The following CDH12 variants were observed in gnomAD, a reference collection of about 807,000 sequenced individuals.
CDH12 encodes cadherin 12.
A neutral mutation model predicts 74.1 loss-of-function variants in CDH12; 41 were observed. The ratio of observed to expected loss-of-function variants is 0.55; its 90% CI spans 0.43 to 0.72. CDH12 has a LOEUF of 0.72. Ranked by LOEUF, CDH12 falls within the 30% of genes least tolerant of loss-of-function variation. The pLI is 0.00. For missense variants in CDH12, 945 were observed against 977.2 expected (o/e 0.97, Z 0.44); for synonymous variants, 399 against 355.0 (o/e 1.12, Z -1.39).
rs186950302 is a variant in CDH12, at chr5:22,204,068, C to A, written c.-187+8430G>T. On this transcript the variant is annotated intron_variant, in intron 4 of 14. Transcript: ENST00000382254. ...GAGAACATATCTATAAACTATGCAT[C>A]TGACAAGGGGTTAATATCCAGAATC... 7.2e-5 allele frequency among the ~76,000 whole-genome samples: 11 copies of A among 152,092 alleles called. No homozygotes were observed. In the East Asian group the frequency reaches 1.5e-3, roughly 21 times the overall value.
chr5:22,769,691 G>T (rs1246460907), intron 1 of CDH12, among the ~76,000 whole-genome samples: 1 of 152,038 alleles, frequency 6.6e-6, no homozygotes, highest in Non-Finnish European at 1.5e-5. Flanking sequence ...TATATTATCA[G>T]CAAACTTCTT....
chr5:22,188,491 T>C (rs544996785), intron 4 of CDH12, among the ~76,000 whole-genome samples: 1 of 152,308 alleles, frequency 6.6e-6, no homozygotes, highest in East Asian at 1.9e-4. Context: ...GGATGCTTAG[T>C]GCTGAGGGTC....
intron 1 of CDH12, among the ~76,000 whole-genome samples, chr5:22,598,623 A>G (rs1365987694): frequency 1.3e-5 from 2 of 152,330 alleles, no homozygotes; most frequent in South Asian, 2.1e-4. Context: ...GAATTAATAA[A>G]TCCTCAGAGT....
chr5:21,913,968 C>T (rs1216447039), intron 6 of CDH12, among the ~76,000 whole-genome samples: 1 of 152,118 alleles, frequency 6.6e-6, no homozygotes, highest in African/African-American at 2.4e-5. Context: ...ACAGGTGTGA[C>T]ACACCACACC....
chr5:22,086,146 A>T (rs1233426115), intron 4 of CDH12, among the ~76,000 whole-genome samples: 2 of 152,162 alleles, frequency 1.3e-5, no homozygotes, highest in African/African-American at 4.8e-5. Context: ...AGAAGCAGAC[A>T]TAGTAAACCA....
chr5:22,119,285 G>GTTTTTT (rs397996987), intron 4 of CDH12, among the ~76,000 whole-genome samples: 2 of 99,032 alleles, frequency 2.0e-5, no homozygotes, highest in South Asian at 3.4e-4. Context: ...CTTCTACTTC[G>GTTTTTT]TTTTTTTTTT....
intron 4 of CDH12, among the ~76,000 whole-genome samples, chr5:22,090,614 C>T (rs1273081086): frequency 2.0e-5 from 3 of 151,520 alleles, no homozygotes; most frequent in African/African-American, 7.3e-5. Flanking sequence ...CATACACACA[C>T]ACACACACAC....
intron 10 of CDH12, among the ~76,000 whole-genome samples, chr5:21,792,047 T>C (rs1262145367): frequency 6.6e-6 from 1 of 151,978 alleles, no homozygotes; most frequent in African/African-American, 2.4e-5. Flanking sequence ...GTTATTTTGT[T>C]AAGATAATGA....
intron 4 of CDH12, among the ~76,000 whole-genome samples, chr5:22,186,704 C>G (rs575283445): frequency 1.6e-3 from 246 of 152,294 alleles, no homozygotes; most frequent in Middle Eastern, 0.01. Flanking sequence ...CTCCTGACCT[C>G]AAGTGATGCC....
intron 1 of CDH12, among the ~76,000 whole-genome samples, chr5:22,582,679 T>A (rs445049): frequency 0.55 from 82,676 of 151,530 alleles, 22,760 homozygotes; most frequent in East Asian, 0.68. Context: ...ATTTCCTTAA[T>A]TATCAATGTC....
chr5:22,819,867 T>C (rs1227957167), intron 1 of CDH12, among the ~76,000 whole-genome samples: 3 of 149,296 alleles, frequency 2.0e-5, no homozygotes, highest in Non-Finnish European at 4.4e-5. Context: ...TCCAGATATT[T>C]AAATATATAT....
intron 4 of CDH12, among the ~76,000 whole-genome samples, chr5:22,202,755 C>T (rs1228820217): frequency 1.3e-5 from 2 of 152,058 alleles, no homozygotes; most frequent in Admixed American, 6.6e-5. Flanking sequence ...AATACAGAAC[C>T]CCTGAAAATC....
At chr5:22,292,540 A>G (rs866472869) in intron 3 of CDH12, among the ~76,000 whole-genome samples, 2 of 152,056 alleles carry the variant, frequency 1.3e-5, no homozygotes, top group South Asian at 4.1e-4. Flanking sequence ...ACTGAACTCA[A>G]TAGCACAAAC....
chr5:22,704,365 G>A (rs1742872206), intron 1 of CDH12, among the ~76,000 whole-genome samples: 2 of 152,088 alleles, frequency 1.3e-5, no homozygotes, highest in Admixed American at 6.6e-5. Flanking sequence ...AAACCCATTT[G>A]CATAATCCAG....
At chr5:22,502,442 T>C (rs1254562718) in intron 2 of CDH12, among the ~76,000 whole-genome samples, 2 of 152,074 alleles carry the variant, frequency 1.3e-5, no homozygotes, top group Non-Finnish European at 1.5e-5. Context: ...TACGTCTTTA[T>C]TAGCAGCGTG....
intron 5 of CDH12, among the ~76,000 whole-genome samples, chr5:22,058,122 T>C (rs1740881565): frequency 6.6e-6 from 1 of 152,134 alleles, no homozygotes; most frequent in African/African-American, 2.4e-5. Flanking sequence ...AGTGGTACAA[T>C]CTCGGCTCAC....
At chr5:22,797,848 A>G (rs1748308131) in intron 1 of CDH12, among the ~76,000 whole-genome samples, 1 of 152,190 alleles carries the variant, frequency 6.6e-6, no homozygotes, top group Admixed American at 6.5e-5. Context: ...ATGTGGGTTT[A>G]TATTCTCTCC....
intron 1 of CDH12, among the ~76,000 whole-genome samples, chr5:22,511,468 A>C (rs1248057327): frequency 1.3e-5 from 2 of 152,210 alleles, no homozygotes; most frequent in African/African-American, 4.8e-5. Context: ...TAAAAAGCAT[A>C]TAAAAATGAT....
intron 1 of CDH12, among the ~76,000 whole-genome samples, chr5:22,842,826 A>G (rs926784510): frequency 2.0e-5 from 3 of 152,128 alleles, no homozygotes; most frequent in African/African-American, 7.2e-5. Context: ...TAATTCTATC[A>G]TGGTAATACT....
Sources: allele counts gnomAD v4.1 joint callset (sites outside exome capture counted in the v4.1 genomes callset), GRCh38; gene constraint gnomAD v4.1.1; transcripts MANE v1.5; gene names NCBI Gene and HGNC (gene_info 2026-07-23, HGNC 2026-07-21).